Variants in HOXA3 observed in about 807,000 individuals in gnomAD.
The protein encoded by HOXA3 is homeobox A3.
In HOXA3, 8 loss-of-function variants were observed where a neutral mutation model predicts 30.3. The observed-to-expected ratio is 0.26, with a 90% CI of 0.15 to 0.48. The LOEUF (loss-of-function observed/expected upper bound fraction) is 0.48, where lower values mean the gene tolerates loss of function less well. Ranked by LOEUF, HOXA3 falls within the 20% of genes least tolerant of loss-of-function variation. HOXA3 has a pLI of 0.99. For missense variants in HOXA3, 653 were observed against 614.4 expected, an observed-to-expected ratio of 1.06 and a Z score of -0.66; for synonymous variants, 323 against 273.1, an observed-to-expected ratio of 1.18 and a Z score of -1.80.
chr7:27,131,008 C>A (rs974738616), intron 2 of HOXA3, among the ~76,000 whole-genome samples: 1 of 152,126 alleles, frequency 6.6e-6, no homozygotes, highest in Admixed American at 6.5e-5. Flanking sequence ...GATCAGGAAA[C>A]GCGCGGGTGC....
In HOXA3 at chr7:27,108,016, CGTG is replaced by C; in HGVS notation, c.1228_1230del (p.His410del). On this transcript the variant is annotated inframe_deletion, in exon 6 of 6. Transcript: ENST00000612286. The surrounding 1 kb of genome is among the most constrained non-coding windows in gnomAD (Gnocchi z 5.0). ...GGGTGCGGCTCCCCAGGCCCCGGCC[CGTG>C]GTGGTGGCCGCTGCCCAGCGGCCCG... 6.2e-7 allele frequency: 1 copy of C among 1,612,754 alleles called. No individual in the cohort carries two copies. The highest frequency in any genetic ancestry group is 1.1e-5 in the South Asian group (1 of 90,988).
In HOXA3 at chr7:27,131,791, G is replaced by GT. The variant is rs573490778; in HGVS notation, c.-389-4722dup. Among the ~76,000 whole-genome samples, 639 of 152,202 alleles carry GT rather than the reference G, an allele frequency of 4.2e-3. 6 individuals carry two copies. Among genetic ancestry groups the GT allele is most frequent in the African/African-American group, 0.015 (620 of 41,534 alleles). On this transcript the variant is annotated intron_variant, in intron 2 of 5. Coordinates refer to ENST00000612286, the MANE Select transcript of HOXA3 (RefSeq NM_153631.3). ...CCTTGCCGGGTCTGATCGCTGATGG[G>GT]TCTTTTCCAGCTAAGAATTTCATGT...
intron 1 of HOXA3, among the ~76,000 whole-genome samples, chr7:27,146,705 A>G (rs1266763718): frequency 6.6e-6 from 1 of 152,122 alleles, no homozygotes; most frequent in African/African-American, 2.4e-5. Context: ...AGACAGGTGT[A>G]TGAAGCTCAG....
chr7:27,152,333 C>T lies in HOXA3; in HGVS notation c.-539G>A, dbSNP rs1280186590. On this transcript the variant is annotated 5_prime_UTR_variant, in exon 1 of 6. Coordinates refer to ENST00000612286, the MANE Select transcript of HOXA3 (RefSeq NM_153631.3). ...AAGCTCCTGCCCCTCTGACAGCTGT[C>T]GCTTGGGCAGCCCGAGAGAAGAATT... is the stretch of plus-strand genomic sequence containing the variant. The T allele has an allele frequency of 4.0e-6, 5 of 1,260,210 alleles. No homozygotes were observed. Among genetic ancestry groups the T allele is most frequent in the Non-Finnish European group, 5.1e-6 (5 of 975,646 alleles). 78.1% of individuals were successfully genotyped at this position (1,260,210 alleles called of 1,614,324 possible). A position where few individuals can be genotyped will look rare whatever the true frequency, so the allele number is the denominator to read the frequency against.
chr7:27,143,785 A>G lies in HOXA3; in HGVS notation c.-493-3599T>C, dbSNP rs999508843. ...TCACGTGCTTTTGTTGTCCAGTCGT[A>G]AATCCTGCCTGATGACCTCTAGAGG... On this transcript the variant is annotated intron_variant, in intron 1 of 5. Coordinates refer to ENST00000612286, the MANE Select transcript of HOXA3 (RefSeq NM_153631.3). 4.9e-6 allele frequency: 6 copies of G among 1,213,530 alleles called. No individual in the cohort carries two copies. The African/African-American group carries it at 9.6e-5, about 19-fold the overall frequency. The allele number at this position is 1,213,530 out of a possible 1,614,324, so 75.2% of individuals were successfully genotyped here.
chr7:27,110,509 C>T lies in HOXA3; in HGVS notation c.132G>A (p.Glu44=). 1 of 1,605,754 alleles carries T rather than the reference C, an allele frequency of 6.2e-7. No individual in the cohort carries two copies. The highest frequency in any genetic ancestry group is 2.2e-5 in the East Asian group (1 of 44,578). ...GGAGGGAGCAGGCGGGTCGGTGGTA[C>T]TCGCCGTCGGCGCCCAAAGCGGCGG... ...PASAALGADG[E]YHRPACSLQS... is the part of the protein sequence containing the mutation. Residue 44 remains glutamate, a synonymous_variant, in exon 5 of 6, where the codon GAG becomes GAA. Coordinates refer to ENST00000612286, the MANE Select transcript of HOXA3 (RefSeq NM_153631.3).
At position 27,110,061 on chromosome 7, in the gene HOXA3, C is replaced by G. The variant is rs370336146; in HGVS notation, c.526+54G>C. ...CTGTGCTGGATGTCGTGGGCAGTAGCTTGGGGACCAGGAGCCAGGCCAGAG... is the reference window on the plus strand; with the variant it reads ...CTGTGCTGGATGTCGTGGGCAGTAGGTTGGGGACCAGGAGCCAGGCCAGAG... On this transcript the variant is annotated intron_variant, in intron 5 of 5. Transcript: ENST00000612286. 608 of 1,609,574 alleles carry G rather than the reference C, an allele frequency of 3.8e-4. 3 individuals are homozygous for G. Among genetic ancestry groups the G allele is most frequent in the Admixed American group, 1.3e-3 (77 of 59,992 alleles).
intron 1 of HOXA3, among the ~76,000 whole-genome samples, chr7:27,142,377 G>A (rs1008452212): frequency 8.6e-5 from 13 of 152,010 alleles, no homozygotes; most frequent in African/African-American, 1.5e-4. Flanking sequence ...CGCCCCGATC[G>A]GGAGGCACAG....
intron 2 of HOXA3, among the ~76,000 whole-genome samples, chr7:27,133,312 AT>A (rs1785617990): frequency 6.6e-6 from 1 of 152,246 alleles, no homozygotes; most frequent in African/African-American, 2.4e-5. Context: ...TTTAAAAAAA[AT>A]ACCTCTTGCC....
chr7:27,151,531 C>G (rs1260237567), intron 1 of HOXA3: 1 of 454,358 alleles, frequency 2.2e-6, no homozygotes, highest in Non-Finnish European at 4.4e-6. Flanking sequence ...CGAAACTTCC[C>G]ACCAAGTAAC....
Position 27,108,120 on chromosome 7 carries a change from C to T in HOXA3, c.1127G>A (p.Ser376Asn), listed in dbSNP as rs148881843. ...FVGGSYVEPM[S>N]NSGPALFGLT... ...ACCAAAGAGGGCTGGCCCGGAGTTG[C>T]TCATGGGCTCCACATAGCTGCCCCC... is the stretch of plus-strand genomic sequence containing the variant. The change falls in exon 6 of 6, where the codon AGC becomes AAC. Residue 376 changes from serine to asparagine, a missense_variant. Ser to Asn is a conservative substitution (Grantham distance 46). Around this residue, in one of 3 missense-constraint regions of HOXA3, gnomAD observed 330 missense variants for 274.4 expected, o/e 1.20. Coordinates refer to ENST00000612286, the MANE Select transcript of HOXA3 (RefSeq NM_153631.3). The surrounding 1 kb of genome is among the most constrained non-coding windows in gnomAD (Gnocchi z 5.0). 7.7e-4 allele frequency: 1,232 copies of T among 1,606,818 alleles called. 4 individuals are homozygous for T. The highest frequency in any genetic ancestry group is 9.2e-4 in the Non-Finnish European group (1,077 of 1,175,348).
rs74969035 is a variant in HOXA3, at chr7:27,118,566, C to T, written c.-121+3993G>A. ...TGTCTAAGCAATAGGATGCTTGGAG[C>T]CATCCTCCCATGAATGCCATATAAG... On this transcript the variant is annotated intron_variant, in intron 4 of 5. Coordinates refer to ENST00000612286, the MANE Select transcript of HOXA3 (RefSeq NM_153631.3). Among the ~76,000 whole-genome samples the T allele has an allele frequency of 4.2e-3, 641 of 152,294 alleles. 5 individuals are homozygous for T. Among genetic ancestry groups the T allele is most frequent in the African/African-American group, 0.015 (619 of 41,564 alleles).
intron 1 of HOXA3, among the ~76,000 whole-genome samples, chr7:27,149,805 C>A (rs535679914): frequency 6.6e-6 from 1 of 152,098 alleles, no homozygotes; most frequent in African/African-American, 2.4e-5. Flanking sequence ...TTATTTTTTT[C>A]TTAAACAAAA....
chr7:27,143,809 G>A, intron 1 of HOXA3: 1 of 994,884 alleles, frequency 1.0e-6, no homozygotes, highest in Non-Finnish European at 1.4e-6. Context: ...GACCTCTAGA[G>A]GTAAACTCGT....
intron 4 of HOXA3, chr7:27,116,677 C>G (rs1203258092): frequency 1.3e-5 from 2 of 152,236 alleles, no homozygotes; most frequent in Admixed American, 1.3e-4. Context: ...TCTATTCCCT[C>G]TCTCATTCTT....
chr7:27,143,668 C>A, intron 1 of HOXA3: 2 of 1,524,138 alleles, frequency 1.3e-6, no homozygotes, highest in Non-Finnish European at 8.8e-7. Flanking sequence ...CTATAGCACC[C>A]TTGCACAATT....
At chr7:27,126,485 G>A (rs182823785) in intron 3 of HOXA3, among the ~76,000 whole-genome samples, 16 of 151,874 alleles carry the variant, frequency 1.1e-4, no homozygotes, top group Middle Eastern at 6.9e-3. Flanking sequence ...TTGTCCTCTC[G>A]GTGAACTCTT....
At chr7:27,111,568 T>G (rs1784381426) in intron 4 of HOXA3, among the ~76,000 whole-genome samples, 2 of 151,836 alleles carry the variant, frequency 1.3e-5, no homozygotes, top group Admixed American at 6.6e-5. Flanking sequence ...ACTAAAATCC[T>G]GGAGAGTTCT....
chr7:27,128,870 A>C, intron 2 of HOXA3: 2 of 303,218 alleles, frequency 6.6e-6, no homozygotes, highest in African/African-American at 2.1e-5. Flanking sequence ...TGCTTTCAAC[A>C]AAGATGCAAG....
Sources: allele counts gnomAD v4.1 joint callset (sites outside exome capture counted in the v4.1 genomes callset), GRCh38; gene constraint gnomAD v4.1.1; regional missense constraint gnomAD v4.1.1; non-coding constraint Gnocchi (gnomAD v3.1); transcripts MANE v1.5; gene names NCBI Gene and HGNC (gene_info 2026-07-23, HGNC 2026-07-21).